CDKL4: variants seen among roughly 807,000 people sequenced by gnomAD.
CDKL4 encodes cyclin dependent kinase like 4.
Under a neutral mutation model 42.0 loss-of-function variants are expected in CDKL4, and 44 were observed. That is an observed-to-expected ratio of 1.05 (90% CI 0.82 to 1.35). The LOEUF (loss-of-function observed/expected upper bound fraction) is 1.35. CDKL4 is among the 40% of genes most tolerant of loss of function. CDKL4 has a pLI of 0.00. For synonymous variants in CDKL4, 120 were observed against 121.6 expected, an observed-to-expected ratio of 0.99 and a Z score of 0.09; for missense variants, 393 against 369.9, an observed-to-expected ratio of 1.06 and a Z score of -0.51.
chr2:39,213,575 G>A (rs1677717358), intron 3 of CDKL4, 103 bp from the exon 4 acceptor site: 6 of 663,174 alleles, frequency 9.0e-6, no homozygotes, highest in East Asian at 2.6e-5. Context: ...CCTCTTCAAG[G>A]AACACCATGC....
At chr2:39,219,000 T>G (rs1678135740) in intron 3 of CDKL4, among the ~76,000 whole-genome samples, 1 of 152,212 alleles carries the variant, frequency 6.6e-6, no homozygotes, top group African/African-American at 2.4e-5. Flanking sequence ...CTGTGCTTTA[T>G]TTTTCTTCAA....
At chr2:39,183,056 C>T (rs776636040) in intron 8 of CDKL4, among the ~76,000 whole-genome samples, 18 of 152,216 alleles carry the variant, frequency 1.2e-4, no homozygotes, top group Middle Eastern at 6.8e-3. Flanking sequence ...CCTAGGTGGG[C>T]GGATCATGAG....
chr2:39,228,620 G>T (rs762037762), intron 2 of CDKL4, among the ~76,000 whole-genome samples: 17 of 152,076 alleles, frequency 1.1e-4, no homozygotes, highest in Non-Finnish European at 2.2e-4. Context: ...CAGAATCTCG[G>T]GCCCACCCCA....
At chr2:39,178,780 G>T in intron 9 of CDKL4, 1 of 1,583,922 alleles carries the variant, frequency 6.3e-7, no homozygotes, top group Non-Finnish European at 8.6e-7. Flanking sequence ...AAAGATGGAA[G>T]AGTCAAGTTA....
At chr2:39,205,717 G>A (rs1401114599) in intron 4 of CDKL4, among the ~76,000 whole-genome samples, 2 of 124,922 alleles carry the variant, frequency 1.6e-5, no homozygotes, top group Non-Finnish European at 3.2e-5. Flanking sequence ...CCAAGATGGT[G>A]CCACTGCACT....
At chr2:39,212,927 G>A (rs1423271627) in intron 4 of CDKL4, among the ~76,000 whole-genome samples, 2 of 152,096 alleles carry the variant, frequency 1.3e-5, no homozygotes, top group African/African-American at 4.8e-5. Context: ...TTCCCAAAGT[G>A]CTGGGATTAC....
chr2:39,209,444 C>G (rs552211538), intron 4 of CDKL4, among the ~76,000 whole-genome samples: 1 of 152,272 alleles, frequency 6.6e-6, no homozygotes, highest in Non-Finnish European at 1.5e-5. Context: ...TTACCTCACT[C>G]TAGTGATATT....
intron 1 of CDKL4, among the ~76,000 whole-genome samples, chr2:39,240,012 C>A (rs1017024973): frequency 5.3e-5 from 8 of 151,990 alleles, no homozygotes; most frequent in African/African-American, 1.9e-4. Context: ...ATTGCTTGAA[C>A]CTGGGAGGCG....
chr2:39,233,946 T>C (rs1389021450), intron 1 of CDKL4, among the ~76,000 whole-genome samples: 1 of 148,944 alleles, frequency 6.7e-6, no homozygotes. Context: ...CAGAGTCTCG[T>C]TCTGTCACCC....
At chr2:39,246,403 C>T (rs1304721613), upstream of CDKL4, among the ~76,000 whole-genome samples, 2 of 152,168 alleles carry the variant, frequency 1.3e-5, no homozygotes, top group African/African-American at 4.8e-5. Context: ...CAAGTATCAC[C>T]TTATGTACAA....
chr2:39,185,138 ATATATATGTG>A (rs1194338468), intron 7 of CDKL4, among the ~76,000 whole-genome samples: 26 of 134,308 alleles, frequency 1.9e-4, no homozygotes, highest in African/African-American at 7.0e-4. Flanking sequence ...ATATATATAC[ATATATATGTG>A]TATATATATA....
chr2:39,181,453 C>T (rs975334393), intron 8 of CDKL4, among the ~76,000 whole-genome samples: 7 of 152,178 alleles, frequency 4.6e-5, no homozygotes, highest in African/African-American at 1.7e-4. Flanking sequence ...TTCCAGACCT[C>T]CCCTGTGAAC....
chr2:39,191,927 T>C (rs1056460626), intron 5 of CDKL4, among the ~76,000 whole-genome samples: 3 of 152,160 alleles, frequency 2.0e-5, no homozygotes, highest in African/African-American at 7.2e-5. Flanking sequence ...CTTAGTAAAG[T>C]CGTCAGGTAG....
intron 2 of CDKL4, among the ~76,000 whole-genome samples, chr2:39,226,686 T>C (rs1359372715): frequency 6.6e-6 from 1 of 151,652 alleles, no homozygotes. Context: ...ACTAGGGTAA[T>C]GGGTAGAAGC....
intron 1 of CDKL4, among the ~76,000 whole-genome samples, chr2:39,231,463 A>G (rs1163628213): frequency 6.6e-6 from 1 of 152,200 alleles, no homozygotes; most frequent in Non-Finnish European, 1.5e-5. Flanking sequence ...CAATGGAGAA[A>G]AATGTTTACC....
chr2:39,223,038 A>C (rs1329262735), intron 3 of CDKL4, among the ~76,000 whole-genome samples: 1 of 152,190 alleles, frequency 6.6e-6, no homozygotes, highest in African/African-American at 2.4e-5. Context: ...CAAATTTTCA[A>C]TTATACTTAA....
At chr2:39,213,429 G>C in exon 4 of CDKL4, 1 of 1,610,158 alleles carries the variant, frequency 6.2e-7, no homozygotes, top group East Asian at 2.2e-5. Context: ...TTAAGAGCTT[G>C]AAGTGTTTGC....
At chr2:39,204,137 G>C (rs1450142423) in intron 5 of CDKL4, among the ~76,000 whole-genome samples, 3 of 152,216 alleles carry the variant, frequency 2.0e-5, no homozygotes, top group East Asian at 3.9e-4. Flanking sequence ...GCTCTGTGAA[G>C]TTTTTTTCAA....
At chr2:39,199,015 C>CA (rs138212092) in intron 5 of CDKL4, among the ~76,000 whole-genome samples, 6,997 of 151,008 alleles carry the variant, frequency 0.046, 557 homozygotes, top group African/African-American at 0.16. Context: ...ATTGAAACAA[C>CA]AAAAAAAACC....
Sources: allele counts gnomAD v4.1 joint callset (sites outside exome capture counted in the v4.1 genomes callset), GRCh38; gene constraint gnomAD v4.1.1; transcripts MANE v1.5; gene names NCBI Gene and HGNC (gene_info 2026-07-23, HGNC 2026-07-21).